The following GSE1 variants were observed in gnomAD, a reference collection of about 807,000 sequenced individuals.
GSE1 encodes Gse1 coiled-coil protein, also known as genetic suppressor element 1.
A neutral mutation model predicts 112.6 loss-of-function variants in GSE1; 32 were observed. The ratio of observed to expected loss-of-function variants is 0.28; its 90% CI spans 0.21 to 0.38. The LOEUF (loss-of-function observed/expected upper bound fraction) is 0.38. Among genes scored for constraint, GSE1 ranks in the 10% least tolerant of loss-of-function variants. GSE1 has a pLI of 1.00. For synonymous variants in GSE1, 1,115 were observed against 735.6 expected, an observed-to-expected ratio of 1.52 and a Z score of -8.35; for missense variants, 2,348 against 1,699.2, an observed-to-expected ratio of 1.38 and a Z score of -6.71.
At chr16:85,325,604 G>A (rs973076076) in intron 1 of GSE1, among the ~76,000 whole-genome samples, 5 of 150,134 alleles carry the variant, frequency 3.3e-5, no homozygotes, top group Non-Finnish European at 5.9e-5. Flanking sequence ...AGCATATGCC[G>A]CCATGCCCAG....
chr16:85,593,312 T>C (rs1367142098), intron 1 of GSE1: 2 of 129,558 alleles, frequency 1.5e-5, no homozygotes, highest in Non-Finnish European at 3.2e-5. Flanking sequence ...CAGCAGAGAG[T>C]GCCCTGGCTC....
intron 1 of GSE1, among the ~76,000 whole-genome samples, chr16:85,259,772 C>T (rs1157291904): frequency 6.6e-6 from 1 of 152,160 alleles, no homozygotes; most frequent in East Asian, 1.9e-4. Flanking sequence ...TGTACTGGGA[C>T]CCCCCACCCC....
intron 2 of GSE1, among the ~76,000 whole-genome samples, chr16:85,493,541 G>T (rs1048124775): frequency 3.9e-5 from 6 of 152,012 alleles, no homozygotes; most frequent in African/African-American, 1.4e-4. Flanking sequence ...ATCTCCTGAG[G>T]TCGGGAGTTC....
chr16:85,477,073 A>G (rs1312728150), intron 2 of GSE1, among the ~76,000 whole-genome samples: 3 of 151,848 alleles, frequency 2.0e-5, no homozygotes, highest in South Asian at 2.1e-4. Flanking sequence ...TGACAGGTGT[A>G]CGCACCACCA....
At chr16:85,377,389 C>T (rs950710166) in intron 2 of GSE1, among the ~76,000 whole-genome samples, 1 of 152,192 alleles carries the variant, frequency 6.6e-6, no homozygotes, top group African/African-American at 2.4e-5. Context: ...AACTCAAGGA[C>T]TCTGGTTTGG....
chr16:85,636,185 C>A (rs1417053119), intron 2 of GSE1, among the ~76,000 whole-genome samples: 2 of 152,206 alleles, frequency 1.3e-5, no homozygotes, highest in African/African-American at 4.8e-5. Flanking sequence ...AGGAAAGATG[C>A]CCCCGGGGTG....
intron 2 of GSE1, among the ~76,000 whole-genome samples, chr16:85,363,813 C>G (rs1234196425): frequency 6.9e-6 from 1 of 145,250 alleles, no homozygotes; most frequent in Non-Finnish European, 1.5e-5. Flanking sequence ...AGGGGGCTGG[C>G]AGGGTGGGTG....
chr16:85,336,263 T>A (rs2046481755), intron 1 of GSE1, among the ~76,000 whole-genome samples: 1 of 152,184 alleles, frequency 6.6e-6, no homozygotes, highest in African/African-American at 2.4e-5. Flanking sequence ...GCTGATGGAT[T>A]TTTGAGCCTT....
intron 1 of GSE1, among the ~76,000 whole-genome samples, chr16:85,191,960 A>G (rs1034495646): frequency 6.6e-6 from 1 of 152,206 alleles, no homozygotes; most frequent in Non-Finnish European, 1.5e-5. Flanking sequence ...GCAGGGCACC[A>G]AGGAGGACAA....
chr16:85,489,673 G>T (rs78137241), intron 2 of GSE1: 1 of 152,202 alleles, frequency 6.6e-6, no homozygotes. Flanking sequence ...AACCCCCAGT[G>T]TGGTGACTCA....
chr16:85,199,282 C>G (rs1489317544), intron 1 of GSE1, among the ~76,000 whole-genome samples: 1 of 151,958 alleles, frequency 6.6e-6, no homozygotes, highest in Non-Finnish European at 1.5e-5. Context: ...GATGGGGTTT[C>G]ACTATGTTGT....
intron 14 of GSE1, among the ~76,000 whole-genome samples, chr16:85,669,725 C>A (rs1300783855): frequency 1.3e-5 from 2 of 152,126 alleles, no homozygotes; most frequent in Non-Finnish European, 2.9e-5. Flanking sequence ...GTATTTTCTT[C>A]TGTGAGTTTG....
chr16:85,346,227 G>A (rs932674650), intron 1 of GSE1, among the ~76,000 whole-genome samples: 2 of 151,322 alleles, frequency 1.3e-5, no homozygotes, highest in African/African-American at 4.9e-5. Context: ...ATAGATGGAG[G>A]GGCGGGTGGG....
intron 13 of GSE1, among the ~76,000 whole-genome samples, chr16:85,667,583 C>T (rs960152080): frequency 1.6e-4 from 25 of 152,204 alleles, no homozygotes; most frequent in Non-Finnish European, 2.8e-4. Context: ...GGCAGCCGGG[C>T]GCAGTGGCTC....
Position 85,637,755 on chromosome 16 carries a change from G to C in GSE1, c.226+3623G>C, listed in dbSNP as rs79141208. ...GTGTAGCCTCCTCCCTGCAGAAAGG[G>C]AGACCGGGCCTCTGTGAAAGCCACA... is the stretch of plus-strand genomic sequence containing the variant. On this transcript the variant is annotated intron_variant, in intron 2 of 15. Transcript: ENST00000253458. Among the ~76,000 whole-genome samples the C allele has an allele frequency of 5.8e-3, 870 of 151,106 alleles. 10 individuals are homozygous for C. The highest frequency in any genetic ancestry group is 0.02 in the African/African-American group (844 of 41,570).
chr16:85,270,456 C>A (rs551626789), intron 1 of GSE1, among the ~76,000 whole-genome samples: 1 of 149,118 alleles, frequency 6.7e-6, no homozygotes, highest in Non-Finnish European at 1.5e-5. Flanking sequence ...TGTAGACATT[C>A]GGCACAGCAA....
chr16:85,420,466 T>C (rs751491517), intron 2 of GSE1, among the ~76,000 whole-genome samples: 1 of 151,964 alleles, frequency 6.6e-6, no homozygotes, highest in Non-Finnish European at 1.5e-5. Context: ...CATCGCCATG[T>C]CTCCTCGGAG....
chr16:85,184,072 C>T (rs1296760610), intron 1 of GSE1, among the ~76,000 whole-genome samples: 1 of 152,228 alleles, frequency 6.6e-6, no homozygotes, highest in Non-Finnish European at 1.5e-5. Context: ...CTCACTCCCT[C>T]AGAAGCAAGG....
intron 7 of GSE1, 126 bp from the exon 8 acceptor site, chr16:85,657,151 T>C: frequency 1.6e-6 from 1 of 643,416 alleles, no homozygotes. Context: ...ATATCTTGGT[T>C]CTGGCTGCGG....
Sources: allele counts gnomAD v4.1 joint callset (sites outside exome capture counted in the v4.1 genomes callset), GRCh38; gene constraint gnomAD v4.1.1; transcripts MANE v1.5; gene names NCBI Gene and HGNC (gene_info 2026-07-23, HGNC 2026-07-21).